The following SPDYE18 variants were observed in gnomAD, a reference collection of about 807,000 sequenced individuals.
SPDYE18 encodes the protein speedy/RINGO cell cycle regulator family member E18, also known as speedy protein E18.
SPDYE18 carries 6 observed loss-of-function variants against 44.9 expected under a neutral mutation model. That is an observed-to-expected ratio of 0.13 (90% CI 0.07 to 0.26). The LOEUF (loss-of-function observed/expected upper bound fraction) is 0.26. Ranked by LOEUF, SPDYE18 falls within the 10% of genes least tolerant of loss-of-function variation. The pLI is 1.00. For synonymous variants in SPDYE18, 35 were observed against 177.1 expected (o/e 0.20, Z 6.37); for missense variants, 121 against 463.2 (o/e 0.26, Z 6.78).
At chr7:77,052,286 T>G (rs1473252627) in intron 8 of SPDYE18, among the ~76,000 whole-genome samples, 1 of 152,144 alleles carries the variant, frequency 6.6e-6, no homozygotes, top group South Asian at 2.1e-4. Context: ...TCCAGAAGCC[T>G]AATCCTTAAT....
rs1789784160 is a variant in SPDYE18, at chr7:77,051,029, G to T, written c.*896C>A. ...TAGACGTGTTAGTATATATATCTGA[G>T]ACATGTTAAAAATCACAACTGAATT... On this transcript the variant is annotated 3_prime_UTR_variant, in exon 9 of 9. Transcript: ENST00000510091. Among the ~76,000 whole-genome samples the T allele has an allele frequency of 6.6e-6, 1 of 151,946 alleles. No individual in the cohort carries two copies. Among genetic ancestry groups the T allele is most frequent in the Admixed American group, 6.6e-5 (1 of 15,266 alleles).
chr7:77,050,658 C>G lies in SPDYE18; in HGVS notation c.*1267G>C, dbSNP rs978697157. The stretch of plus-strand genomic sequence containing the variant: ...GCTATAAATGTAATATATATGTTAA[C>G]TAAGTATCACAGATAAAAACCATGC... On this transcript the variant is annotated 3_prime_UTR_variant, in exon 9 of 9. Coordinates refer to ENST00000510091, the MANE Select transcript of SPDYE18 (RefSeq NM_001394953.1). Among the ~76,000 whole-genome samples the G allele has an allele frequency of 2.6e-4, 39 of 152,194 alleles. No homozygotes were observed. Among genetic ancestry groups the G allele is most frequent in the Admixed American group, 1.8e-3 (27 of 15,288 alleles).
Position 77,053,181 on chromosome 7 carries a change from C to T in SPDYE18, c.778G>A (p.Glu260Lys). 2 of 1,613,732 alleles carry T rather than the reference C, an allele frequency of 1.2e-6. No individual in the cohort carries two copies. The highest frequency in any genetic ancestry group is 2.2e-5 in the East Asian group (1 of 44,888). Residue 260 changes from glutamate (E) to lysine (K), a missense_variant, in exon 7 of 9, where the codon GAG (glutamate) becomes AAG (lysine). Glu to Lys is a moderately conservative substitution (Grantham distance 56). Coordinates refer to ENST00000510091, the MANE Select transcript of SPDYE18 (RefSeq NM_001394953.1). ...LALYLANDME[E>K]DDEDPKQNIF... ...TTTTGTTTGGGGTCCTCGTCGTCCT[C>T]CTCCATGTCATTGGCCAGGTAGCTG...
rs1562791524 is a variant in SPDYE18 at position 77,051,202 on chromosome 7, C to T, written c.*723G>A. On this transcript the variant is annotated 3_prime_UTR_variant, in exon 9 of 9. Transcript: ENST00000510091. ...ATAAAAAGAGTGCTCGCTTCAGGAG[C>T]ACATATAATAATACAGAAACAAATT... 6.6e-6 allele frequency among the ~76,000 whole-genome samples: 1 copy of T among 151,984 alleles called. No homozygotes were observed. Among genetic ancestry groups the T allele is most frequent in the Admixed American group, 6.6e-5 (1 of 15,260 alleles).
At chr7:77,061,037 A>AAGAGTGAGATTATCACGTG (rs1176904894) in intron 1 of SPDYE18, among the ~76,000 whole-genome samples, 104 bp from the exon 2 acceptor site, 991 of 94,946 alleles carry the variant, frequency 0.01, 53 homozygotes, top group Non-Finnish European at 0.015. Context: ...ATTATCACGT[A>AAGAGTGAGATTATCACGTG]CAAGAGTGAG....
At position 77,060,559 on chromosome 7, in the gene SPDYE18, T is replaced by A; in HGVS notation, c.-47A>T. ...AGGATCCAGAAGAGTATGTTATCAATTCTCAAGCCTAGGAGAAGTCAGGAG... is the reference window on the plus strand; with the variant it reads ...AGGATCCAGAAGAGTATGTTATCAAATCTCAAGCCTAGGAGAAGTCAGGAG... On this transcript the variant is annotated 5_prime_UTR_variant, in exon 2 of 9. Coordinates refer to ENST00000510091, the MANE Select transcript of SPDYE18 (RefSeq NM_001394953.1). 6.5e-7 allele frequency: 1 copy of A among 1,534,756 alleles called. No individual in the cohort carries two copies. The highest frequency in any genetic ancestry group is 8.7e-7 in the Non-Finnish European group (1 of 1,146,658).
In SPDYE18 at chr7:77,057,407, G is replaced by A. The variant is rs190006399; in HGVS notation, c.610+230C>T. Reference sequence around the variant, plus strand: ...GCTGGGATCTCAGGCGGGAGCCACTGCATCTGGCCCAAAACCAAGCTTTCT... The same window carrying A: ...GCTGGGATCTCAGGCGGGAGCCACTACATCTGGCCCAAAACCAAGCTTTCT... On this transcript the variant is annotated intron_variant, in intron 4 of 8. Coordinates refer to ENST00000510091, the MANE Select transcript of SPDYE18 (RefSeq NM_001394953.1). Among the ~76,000 whole-genome samples, 154 of 151,832 alleles carry A rather than the reference G, an allele frequency of 1.0e-3. 6 individuals are homozygous for A. The East Asian group carries it at 0.027, about 26-fold the overall frequency.
At chr7:77,053,255 C>T (rs78326383) in intron 6 of SPDYE18, 52 bp from the exon 7 acceptor site, 320,053 of 1,595,898 alleles carry the variant, frequency 0.2, 34,769 homozygotes, top group East Asian at 0.52. Context: ...GAGAGGCCTC[C>T]GGCTGAGGTC....
chr7:77,057,385 G>A (rs554959237), intron 4 of SPDYE18, among the ~76,000 whole-genome samples: 2 of 152,060 alleles, frequency 1.3e-5, no homozygotes, highest in East Asian at 1.9e-4. Context: ...CCAACGTGCT[G>A]GGATCTCAGG....
At position 77,050,699 on chromosome 7, in the gene SPDYE18, G is replaced by A. The variant is rs1307509520; in HGVS notation, c.*1226C>T. ...AAAACCATGCTCCCTTCAGCAGCAC[G>A]TGTAATAATAGATACAAAGATTGAA... On this transcript the variant is annotated 3_prime_UTR_variant, in exon 9 of 9. Transcript: ENST00000510091. 3.3e-5 allele frequency among the ~76,000 whole-genome samples: 5 copies of A among 151,874 alleles called. No individual in the cohort carries two copies. The highest frequency in any genetic ancestry group is 1.2e-4 in the African/African-American group (5 of 41,582).
intron 6 of SPDYE18, among the ~76,000 whole-genome samples, chr7:77,054,804 G>A (rs2117316936): frequency 6.7e-6 from 1 of 150,370 alleles, no homozygotes; most frequent in South Asian, 2.1e-4. Context: ...GTCTCACTCT[G>A]TCACCCAGGC....
rs555088722 is a variant in SPDYE18, at chr7:77,051,649, C to T, written c.*276G>A. On this transcript the variant is annotated 3_prime_UTR_variant, in exon 9 of 9. Transcript: ENST00000510091. ...CCGCAGGAAAGGGTGGAACTGGAAACACTCCTGTTTTCTTACTTTTCTCCA... is the reference window on the plus strand; with the variant it reads ...CCGCAGGAAAGGGTGGAACTGGAAATACTCCTGTTTTCTTACTTTTCTCCA... 2.7e-4 allele frequency among the ~76,000 whole-genome samples: 41 copies of T among 152,318 alleles called. No individual in the cohort carries two copies. Among genetic ancestry groups the T allele is most frequent in the Admixed American group, 1.3e-3 (20 of 15,304 alleles).
chr7:77,054,440 CT>C (rs1366695483), intron 6 of SPDYE18, among the ~76,000 whole-genome samples: 10 of 148,770 alleles, frequency 6.7e-5, no homozygotes, highest in Non-Finnish European at 1.3e-4. Context: ...GGTTGTCGTG[CT>C]TTGGAAAGAT....
At chr7:77,058,824 G>A (rs1201018796) in intron 3 of SPDYE18, among the ~76,000 whole-genome samples, 1 of 151,878 alleles carries the variant, frequency 6.6e-6, no homozygotes, top group East Asian at 1.9e-4. Context: ...ACAGGGTTTT[G>A]CTCTGTCACC....
Position 77,060,502 on chromosome 7 carries a change from G to C in SPDYE18, c.11C>G (p.Thr4Arg), listed in dbSNP as rs148458816. MDRTKTRFRKRGQI... is the reference protein window; with the variant it reads MDRRKTRFRKRGQI... ...TCCCCTCTTACGGAACCTAGTCTTC[G>C]TTCTGTCCATGGCCTTCTTCTGGAC... Residue 4 changes from threonine (T) to arginine (R), a missense_variant, in exon 2 of 9, where the codon ACG becomes AGG. Thr to Arg is a moderately conservative substitution (Grantham distance 71). Coordinates refer to ENST00000510091, the MANE Select transcript of SPDYE18 (RefSeq NM_001394953.1). 1.3e-6 allele frequency: 2 copies of C among 1,535,140 alleles called. No individual in the cohort carries two copies. The highest frequency in any genetic ancestry group is 1.7e-6 in the Non-Finnish European group (2 of 1,146,774).
chr7:77,060,100 ATT>A, intron 2 of SPDYE18, among the ~76,000 whole-genome samples: 1 of 141,090 alleles, frequency 7.1e-6, no homozygotes, highest in South Asian at 2.3e-4. Flanking sequence ...GTCTCAAGTG[ATT>A]CTCCTGTCTC....
Position 77,057,041 on chromosome 7 carries a change from ACCACTT to A in SPDYE18, c.611-439_611-434del, listed in dbSNP as rs756104895. On this transcript the variant is annotated intron_variant, in intron 4 of 8. Transcript: ENST00000510091. ...TTAAGTTTCAGAGGGCACAGCTGAA[ACCACTT>A]TCTTTGTTTATTGATTTTGTTTTTC... Among the ~76,000 whole-genome samples the A allele has an allele frequency of 2.4e-3, 365 of 150,546 alleles. 1 individual carries two copies. Among genetic ancestry groups the A allele is most frequent in the Non-Finnish European group, 3.9e-3 (261 of 67,022 alleles).
Position 77,062,198 on chromosome 7 carries a change from C to T in SPDYE18, c.-422+298G>A, listed in dbSNP as rs144337572. Among the ~76,000 whole-genome samples the T allele has an allele frequency of 2.8e-3, 401 of 142,150 alleles. 1 individual carries two copies. Among genetic ancestry groups the T allele is most frequent in the East Asian group, 0.023 (97 of 4,296 alleles). The allele number at this position is 142,150 out of a possible 152,430, so 93.3% of individuals were successfully genotyped here. ...GGCTGCTGCTTTCCTAGGAGTCTCTCGCTCATAGAAAAGGCACACACTGAA... is the reference window on the plus strand; with the variant it reads ...GGCTGCTGCTTTCCTAGGAGTCTCTTGCTCATAGAAAAGGCACACACTGAA... On this transcript the variant is annotated intron_variant, in intron 1 of 8. Transcript: ENST00000510091.
chr7:77,052,589 A>G (rs1336752779), intron 8 of SPDYE18, among the ~76,000 whole-genome samples, 144 bp downstream of exon 8: 70 of 152,184 alleles, frequency 4.6e-4, no homozygotes, highest in African/African-American at 1.6e-3. Context: ...TGCGTCCCAC[A>G]TCGCCTGGCT....
Sources: allele counts gnomAD v4.1 joint callset (sites outside exome capture counted in the v4.1 genomes callset), GRCh38; gene constraint gnomAD v4.1.1; transcripts MANE v1.5; gene names NCBI Gene and HGNC (gene_info 2026-07-23, HGNC 2026-07-21).